The following PPP2R2C variants were observed in gnomAD, a reference collection of about 807,000 sequenced individuals.
PPP2R2C encodes the protein protein phosphatase 2 regulatory subunit Bgamma, also known as protein phosphatase 2, regulatory subunit B, gamma.
PPP2R2C carries 10 observed loss-of-function variants against 45.3 expected under a neutral mutation model. The ratio of observed to expected loss-of-function variants is 0.22; its 90% CI spans 0.14 to 0.37. The LOEUF is 0.37. PPP2R2C is among the 10% of genes least tolerant of loss of function. The pLI is 1.00. For missense variants in PPP2R2C, 308 were observed against 619.7 expected (o/e 0.50, Z 5.34); for synonymous variants, 257 against 245.4 (o/e 1.05, Z -0.44).
intron 6 of PPP2R2C, among the ~76,000 whole-genome samples, chr4:6,340,486 C>T (rs4689408): frequency 0.21 from 32,092 of 152,116 alleles, 3,587 homozygotes; most frequent in Admixed American, 0.23. Flanking sequence ...TCCACACAGA[C>T]GGGAGCCTGG....
At chr4:6,338,993 TAA>T (rs1358808888) in intron 6 of PPP2R2C, among the ~76,000 whole-genome samples, 1 of 152,258 alleles carries the variant, frequency 6.6e-6, no homozygotes, top group African/African-American at 2.4e-5. Flanking sequence ...AGCTGCTCAA[TAA>T]AACTACGGAG....
chr4:6,365,269 A>C (rs1319404746), intron 5 of PPP2R2C, among the ~76,000 whole-genome samples: 1 of 152,228 alleles, frequency 6.6e-6, no homozygotes, highest in Non-Finnish European at 1.5e-5. Context: ...CCAGGGGTCC[A>C]GACTCCCAGC....
chr4:6,466,868 G>A (rs185742294), intron 1 of PPP2R2C, among the ~76,000 whole-genome samples: 4 of 152,150 alleles, frequency 2.6e-5, no homozygotes, highest in African/African-American at 4.8e-5. Context: ...CTTTAAGTTC[G>A]GGTTGATTAA....
chr4:6,469,086 A>T (rs1241973515), intron 1 of PPP2R2C, among the ~76,000 whole-genome samples: 2 of 149,096 alleles, frequency 1.3e-5, no homozygotes, highest in East Asian at 3.9e-4. Flanking sequence ...CCAAAAAAAA[A>T]AAAAAAAAAA....
intron 2 of PPP2R2C, among the ~76,000 whole-genome samples, chr4:6,480,865 C>T (rs574489428): frequency 5.3e-5 from 8 of 152,200 alleles, no homozygotes; most frequent in African/African-American, 1.2e-4. Flanking sequence ...GATGGGTGAA[C>T]GGGTATGTGA....
At chr4:6,447,258 G>A (rs1720475237) in intron 1 of PPP2R2C, among the ~76,000 whole-genome samples, 1 of 152,162 alleles carries the variant, frequency 6.6e-6, no homozygotes, top group Non-Finnish European at 1.5e-5. Context: ...GGCCTGCGGT[G>A]CAGAGAAGGT....
At chr4:6,473,274 A>G (rs77861955), upstream of PPP2R2C, among the ~76,000 whole-genome samples, 8,056 of 152,190 alleles carry the variant, frequency 0.053, 710 homozygotes, top group African/African-American at 0.18. Flanking sequence ...AGGCTGGAAA[A>G]TGCGTCCCCC....
At chr4:6,550,746 A>T (rs898580368) in intron 1 of PPP2R2C, among the ~76,000 whole-genome samples, 1 of 152,324 alleles carries the variant, frequency 6.6e-6, no homozygotes, top group Admixed American at 6.5e-5. Flanking sequence ...CCTGAGCTCA[A>T]TGGATACTTC....
chr4:6,462,416 T>C (rs981300998), intron 1 of PPP2R2C, among the ~76,000 whole-genome samples: 1 of 151,354 alleles, frequency 6.6e-6, no homozygotes, highest in African/African-American at 2.4e-5. Context: ...GAGGCGGGGG[T>C]TTCAGTGAGC....
chr4:6,527,585 C>T (rs988840031), intron 2 of PPP2R2C, among the ~76,000 whole-genome samples: 5 of 151,650 alleles, frequency 3.3e-5, no homozygotes, highest in African/African-American at 9.7e-5. Flanking sequence ...TGGGTAACCC[C>T]GCCCGACCCC....
At chr4:6,360,618 C>G (rs1314083975) in intron 5 of PPP2R2C, among the ~76,000 whole-genome samples, 2 of 152,182 alleles carry the variant, frequency 1.3e-5, no homozygotes, top group Non-Finnish European at 2.9e-5. Flanking sequence ...TGCGGAGGTG[C>G]CCTAGAAGGC....
chr4:6,358,203 T>G (rs1713393180), intron 5 of PPP2R2C, among the ~76,000 whole-genome samples: 1 of 152,118 alleles, frequency 6.6e-6, no homozygotes, highest in South Asian at 2.1e-4. Context: ...CCATCTGATC[T>G]TTGACAAACC....
In PPP2R2C at chr4:6,326,147, T is replaced by A. The variant is rs184604778; in HGVS notation, c.1053-2554A>T. On this transcript the variant is annotated intron_variant, in intron 8 of 8. Coordinates refer to ENST00000382599, the MANE Select transcript of PPP2R2C (RefSeq NM_020416.4). Reference sequence around the variant, plus strand: ...ACACAGAGCCAATCAGATCCTTCCATGAGAGTTTTACACAGTCCCTGGGAG... The same window carrying A: ...ACACAGAGCCAATCAGATCCTTCCAAGAGAGTTTTACACAGTCCCTGGGAG... Among the ~76,000 whole-genome samples the A allele has an allele frequency of 1.6e-3, 246 of 152,220 alleles. 3 individuals are homozygous for A. The highest frequency in any genetic ancestry group is 5.6e-3 in the African/African-American group (234 of 41,530).
At chr4:6,541,314 A>G (rs11733043) in intron 1 of PPP2R2C, among the ~76,000 whole-genome samples, 28,334 of 152,148 alleles carry the variant, frequency 0.19, 2,785 homozygotes, top group Non-Finnish European at 0.23. Flanking sequence ...CCTATCCTCC[A>G]TTCTCCAAAA....
At chr4:6,438,347 T>C (rs1271505827) in intron 1 of PPP2R2C, among the ~76,000 whole-genome samples, 1 of 152,210 alleles carries the variant, frequency 6.6e-6, no homozygotes, top group East Asian at 1.9e-4. Flanking sequence ...AATACACTAA[T>C]GGCTGAACAT....
At chr4:6,420,953 G>A (rs1718920334) in intron 1 of PPP2R2C, 2 of 985,102 alleles carry the variant, frequency 2.0e-6, no homozygotes, top group Admixed American at 6.2e-5. Flanking sequence ...TACCAGGCAG[G>A]CCTCAGAAGG....
At chr4:6,488,369 T>G (rs1722595060) in intron 2 of PPP2R2C, among the ~76,000 whole-genome samples, 1 of 152,200 alleles carries the variant, frequency 6.6e-6, no homozygotes, top group Non-Finnish European at 1.5e-5. Flanking sequence ...TGTTCTGAGA[T>G]GTAGTCAACA....
chr4:6,534,397 C>A (rs544217829), intron 2 of PPP2R2C, among the ~76,000 whole-genome samples: 301 of 151,328 alleles, frequency 2.0e-3, no homozygotes, highest in Middle Eastern at 0.014. Context: ...CACACACCAA[C>A]ACACACACAA....
chr4:6,384,769 C>T lies in PPP2R2C; in HGVS notation c.71-3675G>A, dbSNP rs193277085. 3.8e-4 allele frequency: 370 copies of T among 985,470 alleles called. 2 individuals carry two copies. The African/African-American group carries it at 5.9e-3, about 16-fold the overall frequency. The allele number at this position is 985,470 out of a possible 1,614,324, so 61.0% of individuals were successfully genotyped here. A position where few individuals can be genotyped will look rare whatever the true frequency, so the allele number is the denominator to read the frequency against. On this transcript the variant is annotated intron_variant, in intron 1 of 8. Transcript: ENST00000382599. ...TACCTCCTTTAACCTCACGCCAGCC[C>T]CTGCGGGAGACACTACTGTGATTTC...
Sources: allele counts gnomAD v4.1 joint callset (sites outside exome capture counted in the v4.1 genomes callset), GRCh38; gene constraint gnomAD v4.1.1; transcripts MANE v1.5; gene names NCBI Gene and HGNC (gene_info 2026-07-23, HGNC 2026-07-21).